FOXP2: variants seen among roughly 807,000 people sequenced by gnomAD.
The protein encoded by FOXP2 is forkhead box P2, also known as forkhead box protein P2.
FOXP2 carries 12 observed loss-of-function variants against 115.8 expected under a neutral mutation model. The ratio of observed to expected loss-of-function variants is 0.10; its 90% CI spans 0.07 to 0.17. The LOEUF (loss-of-function observed/expected upper bound fraction) is 0.17, where lower values mean the gene tolerates loss of function less well. Ranked by LOEUF, FOXP2 falls within the 10% of genes least tolerant of loss-of-function variation. The pLI is 1.00. For missense variants in FOXP2, 629 were observed against 843.5 expected (o/e 0.75, Z 3.15); for synonymous variants, 328 against 297.7 (o/e 1.10, Z -1.05).
chr7:114,230,889 T>A (rs996267208), intron 1 of FOXP2, among the ~76,000 whole-genome samples: 1 of 151,064 alleles, frequency 6.6e-6, no homozygotes, highest in African/African-American at 2.4e-5. Context: ...AAAAAAGAAA[T>A]AAAAGGCATA....
At chr7:114,407,972 G>C (rs1340174163) in intron 2 of FOXP2, among the ~76,000 whole-genome samples, 2 of 152,106 alleles carry the variant, frequency 1.3e-5, no homozygotes, top group Admixed American at 1.3e-4. Context: ...TGCTTAAAAG[G>C]ATATACAAAA....
chr7:114,652,358 A>T, intron 9 of FOXP2, 68 bp downstream of exon 9: 1 of 1,406,238 alleles, frequency 7.1e-7, no homozygotes, highest in Admixed American at 1.8e-5. Context: ...TACTGAGCAG[A>T]TTCTGGGTCT....
chr7:114,090,413 A>G (rs1419590741), intron 1 of FOXP2, among the ~76,000 whole-genome samples: 3 of 151,918 alleles, frequency 2.0e-5, no homozygotes, highest in South Asian at 4.1e-4. Flanking sequence ...ACCAGTGCCC[A>G]AATTCATACT....
chr7:114,498,810 A>C, intron 2 of FOXP2: 1 of 716,994 alleles, frequency 1.4e-6, no homozygotes, highest in Non-Finnish European at 2.6e-6. Flanking sequence ...GGTATATGTC[A>C]GGATGATTTC....
chr7:114,318,052 A>G (rs1425600231), intron 2 of FOXP2, among the ~76,000 whole-genome samples: 1 of 152,218 alleles, frequency 6.6e-6, no homozygotes, highest in East Asian at 1.9e-4. Context: ...TCTGTACCAC[A>G]TCAACTAATC....
intron 3 of FOXP2, among the ~76,000 whole-genome samples, chr7:114,625,997 T>C (rs1409518947): frequency 1.3e-5 from 2 of 151,798 alleles, no homozygotes; most frequent in Non-Finnish European, 3.0e-5. Flanking sequence ...TTTATATCTG[T>C]ATATTGTCAG....
rs1330857790 is a variant in FOXP2 at position 114,426,568 on chromosome 7, A to C, written c.57A>C (p.Gly19=). 4 of 1,611,500 alleles carry C rather than the reference A, an allele frequency of 2.5e-6. No homozygotes were observed. In the African/African-American group the frequency reaches 5.4e-5, roughly 22 times the overall value. Residue 19 remains glycine (G), a synonymous_variant, in exon 2 of 17, where the codon GGA becomes GGC. Coordinates refer to ENST00000350908, the MANE Select transcript of FOXP2 (RefSeq NM_014491.4). ...GCAACAGTTCAATGAATCAAAATGG[A>C]ATGAGCACTCTAAGCAGCCAATTAG... ...TISNSSMNQN[G]MSTLSSQLDA... is the part of the protein sequence containing the mutation.
At chr7:114,409,997 C>T (rs920807478), upstream of FOXP2, among the ~76,000 whole-genome samples, 1 of 152,030 alleles carries the variant, frequency 6.6e-6, no homozygotes, top group Non-Finnish European at 1.5e-5. Context: ...ATCATTATGT[C>T]TTTAGTTTTG....
At chr7:114,632,347 A>G (rs1804965677) in intron 6 of FOXP2, among the ~76,000 whole-genome samples, 1 of 152,232 alleles carries the variant, frequency 6.6e-6, no homozygotes, top group South Asian at 2.1e-4. Context: ...CTGATAATAC[A>G]ATTGTGTGTC....
At chr7:114,093,646 C>A (rs534453635) in intron 1 of FOXP2, among the ~76,000 whole-genome samples, 1 of 150,866 alleles carries the variant, frequency 6.6e-6, no homozygotes, top group East Asian at 1.9e-4. Context: ...TTTTTTTATC[C>A]TACACCCATT....
chr7:114,665,200 A>G (rs998212417), intron 16 of FOXP2: 1 of 152,174 alleles, frequency 6.6e-6, no homozygotes, highest in African/African-American at 2.4e-5. Flanking sequence ...AGTGTCAAGC[A>G]TATTAGTGTC....
At chr7:114,154,278 A>T (rs1049936695) in intron 1 of FOXP2, among the ~76,000 whole-genome samples, 1 of 152,118 alleles carries the variant, frequency 6.6e-6, no homozygotes, top group East Asian at 1.9e-4. Context: ...TGAATAGGGT[A>T]CATTTAGAAA....
At position 114,094,626 on chromosome 7, in the gene FOXP2, A is replaced by T. The variant is rs75046862; in HGVS notation, c.-247+6788A>T. On this transcript the variant is annotated intron_variant, in intron 1 of 19. Transcript: ENST00000635638. ...TGAAGCCAGGCAAAGTGGGTTTTATACATAATTACCCCTCTTTTCCTCTTT... is the reference window on the plus strand; with the variant it reads ...TGAAGCCAGGCAAAGTGGGTTTTATTCATAATTACCCCTCTTTTCCTCTTT... 3.6e-3 allele frequency among the ~76,000 whole-genome samples: 541 copies of T among 152,208 alleles called. 4 individuals carry two copies. Among genetic ancestry groups the T allele is most frequent in the African/African-American group, 0.012 (512 of 41,534 alleles).
intron 1 of FOXP2, among the ~76,000 whole-genome samples, chr7:114,184,910 A>C (rs1449332848): frequency 6.6e-6 from 1 of 152,188 alleles, no homozygotes; most frequent in Non-Finnish European, 1.5e-5. Flanking sequence ...AAAATCTCAT[A>C]GCTAGGAGGT....
chr7:114,460,469 T>C (rs1046707725), intron 2 of FOXP2, among the ~76,000 whole-genome samples: 1 of 152,340 alleles, frequency 6.6e-6, no homozygotes, highest in Admixed American at 6.5e-5. Flanking sequence ...AATGTAAATA[T>C]GTTATCAGTT....
intron 1 of FOXP2, among the ~76,000 whole-genome samples, chr7:114,206,145 G>A (rs766733734): frequency 3.3e-5 from 5 of 151,966 alleles, no homozygotes; most frequent in Non-Finnish European, 7.4e-5. Flanking sequence ...TTCCATCCTT[G>A]CCCTCATCTA....
intron 3 of FOXP2, among the ~76,000 whole-genome samples, chr7:114,564,878 CAAAA>C (rs35022872): frequency 1.1e-5 from 1 of 88,108 alleles, no homozygotes; most frequent in African/African-American, 3.6e-5. Context: ...AAGGCCCTGT[CAAAA>C]AAAAAAAAAA....
chr7:114,504,635 CA>C (rs11310049), intron 2 of FOXP2, among the ~76,000 whole-genome samples: 3,519 of 151,060 alleles, frequency 0.023, 99 homozygotes, highest in African/African-American at 0.067. Flanking sequence ...AATATTCACC[CA>C]AAAAAAGAAA....
intron 16 of FOXP2, among the ~76,000 whole-genome samples, chr7:114,681,256 G>T (rs1190687518): frequency 6.6e-6 from 1 of 152,140 alleles, no homozygotes; most frequent in Admixed American, 6.6e-5. Context: ...GTCAAAGTGA[G>T]ATAGATGCTC....
Sources: allele counts gnomAD v4.1 joint callset (sites outside exome capture counted in the v4.1 genomes callset), GRCh38; gene constraint gnomAD v4.1.1; transcripts MANE v1.5; gene names NCBI Gene and HGNC (gene_info 2026-07-23, HGNC 2026-07-21).